Variants in SFRP1 observed in about 807,000 individuals in gnomAD.
SFRP1 encodes the protein secreted frizzled related protein 1.
Under a neutral mutation model 25.9 loss-of-function variants are expected in SFRP1, and 9 were observed. The observed-to-expected ratio is 0.35, with a 90% CI of 0.21 to 0.61. SFRP1 has a LOEUF of 0.61. Among genes scored for constraint, SFRP1 ranks in the 20% least tolerant of loss-of-function variants. The pLI, the probability that SFRP1 is intolerant of heterozygous loss-of-function variation, is 0.78. For missense variants in SFRP1, 346 were observed against 418.2 expected, an observed-to-expected ratio of 0.83 and a Z score of 1.51; for synonymous variants, 178 against 174.0, an observed-to-expected ratio of 1.02 and a Z score of -0.18.
At chr8:41,269,598 C>T (rs1177805052) in intron 2 of SFRP1, among the ~76,000 whole-genome samples, 1 of 152,142 alleles carries the variant, frequency 6.6e-6, no homozygotes, top group African/African-American at 2.4e-5. Context: ...CATCCCAAAC[C>T]CTCACATTCT....
At chr8:41,292,672 C>T (rs1485961147) in intron 2 of SFRP1, among the ~76,000 whole-genome samples, 1 of 152,144 alleles carries the variant, frequency 6.6e-6, no homozygotes, top group Non-Finnish European at 1.5e-5. Context: ...CTTCTGTCTA[C>T]ACAGCTAAAA....
intron 2 of SFRP1, among the ~76,000 whole-genome samples, chr8:41,272,058 G>A (rs1232207484): frequency 6.6e-6 from 1 of 152,110 alleles, no homozygotes; most frequent in Non-Finnish European, 1.5e-5. Context: ...TTCAGAGACT[G>A]GGAAAGATTA....
chr8:41,277,830 C>T (rs2117489840), intron 2 of SFRP1, among the ~76,000 whole-genome samples: 1 of 152,304 alleles, frequency 6.6e-6, no homozygotes, highest in South Asian at 2.1e-4. Flanking sequence ...AGGCTGGTCT[C>T]AAACTTCTGG....
chr8:41,309,228 G>T lies in SFRP1; in HGVS notation c.-69C>A, dbSNP rs942254731. The T allele has an allele frequency of 9.1e-5, 115 of 1,262,004 alleles. No individual in the cohort carries two copies. The highest frequency in any genetic ancestry group is 1.1e-4 in the Non-Finnish European group (110 of 1,009,956). The allele number at this position is 1,262,004 out of a possible 1,614,324, so 78.2% of individuals were successfully genotyped here. A position where few individuals can be genotyped will look rare whatever the true frequency, so the allele number is the denominator to read the frequency against. ...GCCGCCTCCCCGCGCGCGTCCTGCC[G>T]CAAACTTCCAGGGACCTCCGGGGAC... is the stretch of plus-strand genomic sequence containing the variant. On this transcript the variant is annotated 5_prime_UTR_variant, in exon 1 of 3. Coordinates refer to ENST00000220772, the MANE Select transcript of SFRP1 (RefSeq NM_003012.5).
intron 2 of SFRP1, among the ~76,000 whole-genome samples, chr8:41,278,805 G>C (rs1189910971): frequency 6.6e-6 from 1 of 152,238 alleles, no homozygotes; most frequent in East Asian, 1.9e-4. Flanking sequence ...ATGGGGAGCA[G>C]AGGCCTAGGG....
intron 1 of SFRP1, among the ~76,000 whole-genome samples, chr8:41,307,999 G>T (rs1273127671): frequency 6.6e-6 from 1 of 152,212 alleles, no homozygotes; most frequent in African/African-American, 2.4e-5. Flanking sequence ...GGAAGGGGTG[G>T]AGAAACAGAA....
intron 2 of SFRP1, among the ~76,000 whole-genome samples, chr8:41,293,158 T>C (rs781195413): frequency 6.6e-6 from 1 of 152,230 alleles, no homozygotes; most frequent in Non-Finnish European, 1.5e-5. Context: ...CTGGGTGTCA[T>C]ATCTGACTCA....
chr8:41,309,225 G>A lies in SFRP1; in HGVS notation c.-66C>T. The A allele has an allele frequency of 2.4e-6, 3 of 1,263,742 alleles. No individual in the cohort carries two copies. The highest frequency in any genetic ancestry group is 3.0e-6 in the Non-Finnish European group (3 of 1,011,078). The allele number at this position is 1,263,742 out of a possible 1,614,324, so 78.3% of individuals were successfully genotyped here. ...TCCGCCGCCTCCCCGCGCGCGTCCTGCCGCAAACTTCCAGGGACCTCCGGG... is the reference window on the plus strand; with the variant it reads ...TCCGCCGCCTCCCCGCGCGCGTCCTACCGCAAACTTCCAGGGACCTCCGGG... On this transcript the variant is annotated 5_prime_UTR_variant, in exon 1 of 3. Coordinates refer to ENST00000220772, the MANE Select transcript of SFRP1 (RefSeq NM_003012.5).
At chr8:41,282,762 T>C (rs1221937283) in intron 2 of SFRP1, among the ~76,000 whole-genome samples, 6 of 152,186 alleles carry the variant, frequency 3.9e-5, no homozygotes, top group African/African-American at 1.4e-4. Context: ...TACACAAATA[T>C]ATGTACAGAG....
rs1803423810 is a variant in SFRP1, at chr8:41,265,441, T to C, written c.671A>G (p.Lys224Arg). The C allele has an allele frequency of 3.1e-6, 5 of 1,609,306 alleles. No homozygotes were observed. Among genetic ancestry groups the C allele is most frequent in the Non-Finnish European group, 3.4e-6 (4 of 1,179,044 alleles). Residue 224 changes from lysine to arginine, a missense_variant, in exon 3 of 3, where the codon AAG becomes AGG. By Grantham distance (26) the Lys-to-Arg change is conservative (BLOSUM62 2). Transcript: ENST00000220772. ...GGGCTTCTTCTTCTTGGGGACAATC[T>C]TCTTGTCGCCATTTTCTTTTTTCAC... ...KEVKKENGDKKIVPKKKKPLK... is the reference protein window; with the variant it reads ...KEVKKENGDKRIVPKKKKPLK...
intron 2 of SFRP1, among the ~76,000 whole-genome samples, chr8:41,268,917 AC>A (rs1803469183): frequency 6.6e-6 from 1 of 152,232 alleles, no homozygotes; most frequent in Admixed American, 6.5e-5. Context: ...GTGGTGGTGA[AC>A]AAACAGAAGC....
At chr8:41,296,968 C>T (rs1358663376) in intron 2 of SFRP1, among the ~76,000 whole-genome samples, 3 of 152,148 alleles carry the variant, frequency 2.0e-5, no homozygotes, top group Non-Finnish European at 1.5e-5. Flanking sequence ...TAGGGTTTGG[C>T]TTTCCGAGGG....
intron 2 of SFRP1, among the ~76,000 whole-genome samples, chr8:41,276,335 A>G (rs1299536791): frequency 6.6e-6 from 1 of 152,230 alleles, no homozygotes; most frequent in African/African-American, 2.4e-5. Context: ...AGCACTGGGT[A>G]CGGCATTTGG....
Position 41,265,218 on chromosome 8 carries a change from C to T in SFRP1, c.894G>A (p.Met298Ile), listed in dbSNP as rs757235545. The T allele has an allele frequency of 1.0e-5, 15 of 1,461,576 alleles. 1 individual carries two copies. In the Middle Eastern group the frequency reaches 2.3e-3, roughly 224 times the overall value. 90.5% of individuals were successfully genotyped at this position (1,461,576 alleles called of 1,614,324 possible). A position where few individuals can be genotyped will look rare whatever the true frequency, so the allele number is the denominator to read the frequency against. ...GGCACTCATGGTTTTTCATTTTCTT[C>T]ATGAAGTTTTTGAACTCCTTGTTTT... ...DKKNKEFKNFMKKMKNHECPT... is the reference protein window; with the variant it reads ...DKKNKEFKNFIKKMKNHECPT... Residue 298 changes from methionine to isoleucine, a missense_variant, in exon 3 of 3, where the codon ATG becomes ATA. Transcript: ENST00000220772.
At chr8:41,270,043 T>C (rs1172099871) in intron 2 of SFRP1, among the ~76,000 whole-genome samples, 1 of 152,168 alleles carries the variant, frequency 6.6e-6, no homozygotes, top group Non-Finnish European at 1.5e-5. Flanking sequence ...AGCTTAAGAA[T>C]GAGTCTGAAA....
In SFRP1 at chr8:41,269,678, C is replaced by T. The variant is rs116592974; in HGVS notation, c.623-4189G>A. ...GCCTCCAACCCTCCCAAGCCCGAGA[C>T]ATCCTACCCATGACTTTGAACGTAA... On this transcript the variant is annotated intron_variant, in intron 2 of 2. Coordinates refer to ENST00000220772, the MANE Select transcript of SFRP1 (RefSeq NM_003012.5). 5.8e-3 allele frequency among the ~76,000 whole-genome samples: 879 copies of T among 152,274 alleles called. 6 individuals carry two copies. The highest frequency in any genetic ancestry group is 0.02 in the African/African-American group (817 of 41,558).
chr8:41,265,003 A>AT lies in SFRP1; in HGVS notation c.*163dup, dbSNP rs1455465818. The stretch of plus-strand genomic sequence containing the variant: ...CTACCCTGGGGTTTGGAGCGTGGCT[A>AT]TGGAGGGAAGGGAGCGGGAATGCTG... On this transcript the variant is annotated 3_prime_UTR_variant, in exon 3 of 3. Transcript: ENST00000220772. 5 of 604,834 alleles carry AT rather than the reference A, an allele frequency of 8.3e-6. No individual in the cohort carries two copies. The highest frequency in any genetic ancestry group is 7.4e-5 in the African/African-American group (4 of 53,896). The allele number at this position is 604,834 out of a possible 1,614,324, so 37.5% of individuals were successfully genotyped here.
At chr8:41,278,739 CCTGA>C (rs1465583969) in intron 2 of SFRP1, among the ~76,000 whole-genome samples, 5 of 152,202 alleles carry the variant, frequency 3.3e-5, no homozygotes, top group African/African-American at 1.2e-4. Context: ...CGGAAAAACA[CCTGA>C]CACACTCCAC....
chr8:41,292,027 G>A (rs1020954880), intron 2 of SFRP1, among the ~76,000 whole-genome samples: 14 of 152,220 alleles, frequency 9.2e-5, no homozygotes, highest in African/African-American at 2.4e-4. Context: ...TGGCCAGCCC[G>A]AGGCTCACTG....
Sources: allele counts gnomAD v4.1 joint callset (sites outside exome capture counted in the v4.1 genomes callset), GRCh38; gene constraint gnomAD v4.1.1; transcripts MANE v1.5; gene names NCBI Gene and HGNC (gene_info 2026-07-23, HGNC 2026-07-21).